Variants in SCRN1 observed in about 807,000 individuals in gnomAD.
SCRN1 encodes the protein secernin 1.
Under a neutral mutation model 43.3 loss-of-function variants are expected in SCRN1, and 19 were observed. That is an observed-to-expected ratio of 0.44 (90% CI 0.31 to 0.64). SCRN1 has a LOEUF of 0.64. SCRN1 is among the 30% of genes least tolerant of loss of function. The pLI, the probability that SCRN1 is intolerant of heterozygous loss-of-function variation, is 0.09. For synonymous variants in SCRN1, 183 were observed against 188.9 expected (o/e 0.97, Z 0.26); for missense variants, 447 against 524.1 (o/e 0.85, Z 1.44).
intron 7 of SCRN1, among the ~76,000 whole-genome samples, chr7:29,925,078 TCATCCA>T (rs1219817273): frequency 6.6e-6 from 1 of 152,126 alleles, no homozygotes; most frequent in Non-Finnish European, 1.5e-5. Flanking sequence ...GGGCTTATGG[TCATCCA>T]CCAAGAACAT....
intron 5 of SCRN1, among the ~76,000 whole-genome samples, chr7:29,939,082 T>A (rs1284769216): frequency 6.6e-6 from 1 of 152,164 alleles, no homozygotes; most frequent in African/African-American, 2.4e-5. Context: ...ATTAAAAAAA[T>A]TTTGATTTTT....
intron 1 of SCRN1, among the ~76,000 whole-genome samples, chr7:29,987,699 C>T (rs1353167785): frequency 1.3e-5 from 2 of 152,192 alleles, no homozygotes; most frequent in East Asian, 1.9e-4. Flanking sequence ...TCCCATTGCT[C>T]GAAGTGTTTG....
At chr7:29,955,090 T>A (rs1788086686) in intron 3 of SCRN1, 89 bp downstream of exon 3, 2 of 1,176,236 alleles carry the variant, frequency 1.7e-6, no homozygotes, top group East Asian at 4.7e-5. Context: ...AGGATTATGT[T>A]AAAAAATGCA....
In SCRN1 at chr7:29,965,884, A is replaced by T. The variant is rs986921519; in HGVS notation, c.159+3025T>A. ...TAGCCTATCCTCCAAAAAAGAAAACAAATTTTTTTGAAATATTTATTTCAG... is the reference window on the plus strand; with the variant it reads ...TAGCCTATCCTCCAAAAAAGAAAACTAATTTTTTTGAAATATTTATTTCAG... On this transcript the variant is annotated intron_variant, in intron 2 of 7. Transcript: ENST00000242059. The surrounding 1 kb of genome is among the most constrained non-coding windows in gnomAD (Gnocchi z 4.2). 6.6e-6 allele frequency among the ~76,000 whole-genome samples: 1 copy of T among 152,134 alleles called. No homozygotes were observed. The highest frequency in any genetic ancestry group is 1.5e-5 in the Non-Finnish European group (1 of 68,028).
At chr7:29,982,321 A>G (rs916755354) in intron 1 of SCRN1, among the ~76,000 whole-genome samples, 1 of 152,196 alleles carries the variant, frequency 6.6e-6, no homozygotes, top group African/African-American at 2.4e-5. Flanking sequence ...GTAATCACTT[A>G]ATCCTCACAA....
intron 1 of SCRN1, among the ~76,000 whole-genome samples, chr7:29,978,268 T>A (rs943017535): frequency 6.6e-5 from 10 of 152,298 alleles, no homozygotes; most frequent in Admixed American, 6.5e-4. Flanking sequence ...TATTTTAAGA[T>A]CCAGAGATTT....
intron 6 of SCRN1, among the ~76,000 whole-genome samples, chr7:29,929,825 A>T (rs1456259808): frequency 6.6e-6 from 1 of 152,260 alleles, no homozygotes; most frequent in Non-Finnish European, 1.5e-5. Context: ...TGCTAACCAC[A>T]GTCAGGGTCT....
intron 2 of SCRN1, among the ~76,000 whole-genome samples, chr7:29,960,451 G>T (rs1788272025): frequency 6.6e-6 from 1 of 151,980 alleles, no homozygotes; most frequent in East Asian, 1.9e-4. Context: ...AAATAATGGA[G>T]ACAATATTTA....
chr7:29,971,019 A>G (rs938711705), intron 1 of SCRN1, among the ~76,000 whole-genome samples: 17 of 152,224 alleles, frequency 1.1e-4, no homozygotes, highest in African/African-American at 4.1e-4. Flanking sequence ...CTGGCATTAC[A>G]GGCACTCAAG....
intron 1 of SCRN1, among the ~76,000 whole-genome samples, chr7:29,977,999 C>T (rs1391225786): frequency 6.6e-6 from 1 of 152,210 alleles, no homozygotes; most frequent in Non-Finnish European, 1.5e-5. Context: ...CTTGAAGTGT[C>T]TAAATGCTCT....
In SCRN1 at chr7:29,936,548, G is replaced by A. The variant is rs138872569; in HGVS notation, c.905+8C>T. Reference sequence around the variant, plus strand: ...TGTTCTGCCTACGTGACCAGGCCTCGGACAAACCTGGAAGGATCAGGGGTT... The same window carrying A: ...TGTTCTGCCTACGTGACCAGGCCTCAGACAAACCTGGAAGGATCAGGGGTT... On this transcript the variant is annotated splice_region_variant and intron_variant, in intron 6 of 7. Transcript: ENST00000242059. 2.9e-4 allele frequency: 449 copies of A among 1,558,900 alleles called. No homozygotes were observed. Among genetic ancestry groups the A allele is most frequent in the Non-Finnish European group, 3.8e-4 (428 of 1,140,998 alleles).
intron 3 of SCRN1, among the ~76,000 whole-genome samples, chr7:29,949,431 T>G (rs940976204): frequency 2.7e-5 from 4 of 145,524 alleles, no homozygotes; most frequent in Admixed American, 6.9e-5. Context: ...CAGGCTGGAG[T>G]GCAGTGGCAT....
chr7:29,970,332 T>C (rs1034871811), intron 1 of SCRN1, among the ~76,000 whole-genome samples: 1 of 152,168 alleles, frequency 6.6e-6, no homozygotes, highest in Non-Finnish European at 1.5e-5. Context: ...GCCAGACCTC[T>C]GCACATGCTC....
rs1786735529 is a variant in SCRN1, at chr7:29,920,950, A to G, written c.*3007T>C. The G allele has an allele frequency of 6.6e-6, 1 of 152,474 alleles. No individual in the cohort carries two copies. The highest frequency in any genetic ancestry group is 2.4e-5 in the African/African-American group (1 of 41,446). The allele number at this position is 152,474 out of a possible 1,614,324, so 9.4% of individuals were successfully genotyped here. A position where few individuals can be genotyped will look rare whatever the true frequency, so the allele number is the denominator to read the frequency against. ...CTAAGGAACCTCCATAATTTCGATT[A>G]TATTCTACCTAAAATTTCAAAGCAC... On this transcript the variant is annotated 3_prime_UTR_variant, in exon 8 of 8. Coordinates refer to ENST00000242059, the MANE Select transcript of SCRN1 (RefSeq NM_014766.5).
intron 1 of SCRN1, among the ~76,000 whole-genome samples, chr7:29,980,164 G>C (rs1003916075): frequency 3.3e-5 from 5 of 152,156 alleles, no homozygotes; most frequent in African/African-American, 1.2e-4. Flanking sequence ...GTCAGGAATA[G>C]AGATAAATTC....
chr7:29,956,967 G>A (rs922765026), intron 2 of SCRN1, among the ~76,000 whole-genome samples: 1 of 152,166 alleles, frequency 6.6e-6, no homozygotes, highest in African/African-American at 2.4e-5. Flanking sequence ...TCAAAAAGTA[G>A]TCCAGGCATT....
At position 29,940,704 on chromosome 7, in the gene SCRN1, T is replaced by A. The variant is rs749264557; in HGVS notation, c.717A>T (p.Lys239Asn). The change falls in exon 5 of 8, where the codon AAA (lysine) becomes AAT (asparagine). Residue 239 changes from lysine to asparagine, a missense_variant. Lys to Asn is a moderately conservative substitution (Grantham distance 94). Coordinates refer to ENST00000242059, the MANE Select transcript of SCRN1 (RefSeq NM_014766.5). ...VEDHLDCGAG[K>N]DSLEKQEESI... The stretch of plus-strand genomic sequence containing the variant: ...CACCTTCTTGTTTTTCTAAGCTGTC[T>A]TTGCCAGCACCGCAGTCTAGATGAT... 3 of 1,605,202 alleles carry A rather than the reference T, an allele frequency of 1.9e-6. No homozygotes were observed. Among genetic ancestry groups the A allele is most frequent in the Non-Finnish European group, 2.5e-6 (3 of 1,177,746 alleles).
At chr7:29,936,251 G>A (rs1192393670) in intron 6 of SCRN1, among the ~76,000 whole-genome samples, 1 of 152,162 alleles carries the variant, frequency 6.6e-6, no homozygotes, top group African/African-American at 2.4e-5. Flanking sequence ...GATATATACT[G>A]AGTAAATATT....
upstream of SCRN1, chr7:29,989,996 T>C: frequency 7.1e-7 from 1 of 1,415,478 alleles, no homozygotes; most frequent in Non-Finnish European, 9.2e-7. Flanking sequence ...AGGGCGTATC[T>C]CGCCGCAGAA....
Sources: allele counts gnomAD v4.1 joint callset (sites outside exome capture counted in the v4.1 genomes callset), GRCh38; gene constraint gnomAD v4.1.1; non-coding constraint Gnocchi (gnomAD v3.1); transcripts MANE v1.5; gene names NCBI Gene and HGNC (gene_info 2026-07-23, HGNC 2026-07-21).